The following STPG2 variants were observed in gnomAD, a reference collection of about 807,000 sequenced individuals.
STPG2 encodes sperm tail PG-rich repeat containing 2, also known as sperm-tail PG-rich repeat-containing protein 2.
Under a neutral mutation model 54.2 loss-of-function variants are expected in STPG2, and 56 were observed. The observed-to-expected ratio is 1.03, with a 90% CI of 0.83 to 1.29. The LOEUF (loss-of-function observed/expected upper bound fraction) is 1.29, where lower values mean the gene tolerates loss of function less well. STPG2 is among the 50% of genes most tolerant of loss of function. STPG2 has a pLI of 0.00. For missense variants in STPG2, 596 were observed against 544.9 expected, an observed-to-expected ratio of 1.09 and a Z score of -0.93; for synonymous variants, 200 against 181.8, an observed-to-expected ratio of 1.10 and a Z score of -0.81.
At chr4:97,469,026 G>A (rs1037766361) in intron 4 of STPG2, among the ~76,000 whole-genome samples, 4 of 152,004 alleles carry the variant, frequency 2.6e-5, no homozygotes, top group African/African-American at 9.7e-5. Flanking sequence ...ATTATAGTAT[G>A]TTGGTCTATA....
intron 9 of STPG2, among the ~76,000 whole-genome samples, chr4:97,822,546 G>T (rs977825136): frequency 6.6e-6 from 1 of 152,184 alleles, no homozygotes. Context: ...TTGCTATAAA[G>T]AAATACTTAA....
At chr4:98,105,916 T>C (rs770011900) in intron 5 of STPG2, 37 bp downstream of exon 5, 22 of 1,501,604 alleles carry the variant, frequency 1.5e-5, no homozygotes, top group African/African-American at 1.1e-4. Flanking sequence ...GATCTTAAAA[T>C]TGGGAAAATA....
chr4:98,103,095 T>C (rs917326509), intron 5 of STPG2, among the ~76,000 whole-genome samples: 2 of 137,278 alleles, frequency 1.5e-5, no homozygotes, highest in African/African-American at 5.6e-5. Context: ...TTGTCCTGCA[T>C]TCCTCTCCAT....
chr4:97,619,525 T>TG (rs1733955371), intron 10 of STPG2, among the ~76,000 whole-genome samples: 1 of 22,860 alleles, frequency 4.4e-5, no homozygotes, highest in Admixed American at 4.9e-4. Flanking sequence ...GATTCCAGTG[T>TG]TTTTTTTTTT....
chr4:97,524,302 C>G (rs145976082), intron 4 of STPG2, among the ~76,000 whole-genome samples: 3,121 of 152,068 alleles, frequency 0.021, 54 homozygotes, highest in Middle Eastern at 0.051. Context: ...CTTATCACTA[C>G]AGTTATGCCA....
intron 8 of STPG2, among the ~76,000 whole-genome samples, chr4:97,891,801 A>G (rs1243001889): frequency 6.6e-6 from 1 of 152,198 alleles, no homozygotes; most frequent in Non-Finnish European, 1.5e-5. Context: ...GGAAGAATAA[A>G]TTTAACTATA....
In STPG2 at chr4:97,840,808, G is replaced by C. The variant is rs770249629; in HGVS notation, c.1169C>G (p.Thr390Ser). 22 of 1,611,702 alleles carry C rather than the reference G, an allele frequency of 1.4e-5. No homozygotes were observed. The highest frequency in any genetic ancestry group is 1.8e-5 in the Non-Finnish European group (21 of 1,178,430). Residue 390 changes from threonine to serine, a missense_variant, in exon 9 of 11, where the codon ACT (threonine) becomes AGT (serine). Transcript: ENST00000295268. ...KRKHASFLSA[T>S]PRCLEKVTDG... is the part of the protein sequence containing the mutation. ...AGTCACTTTTTCTAGGCACCGAGGA[G>C]TTGCACTAAGAAAAGAGGCATGTTT...
chr4:97,927,085 C>T (rs1047800444), intron 8 of STPG2, among the ~76,000 whole-genome samples: 1 of 152,056 alleles, frequency 6.6e-6, no homozygotes, highest in Non-Finnish European at 1.5e-5. Flanking sequence ...AAGTATTTTT[C>T]TAATTCCAAA....
chr4:97,626,137 G>A (rs1044978838), intron 10 of STPG2, among the ~76,000 whole-genome samples: 1 of 152,052 alleles, frequency 6.6e-6, no homozygotes, highest in Non-Finnish European at 1.5e-5. Context: ...ATTTACATGT[G>A]TCTTAATATA....
At chr4:97,532,437 C>CA (rs1477674472) in intron 4 of STPG2, among the ~76,000 whole-genome samples, 6 of 151,286 alleles carry the variant, frequency 4.0e-5, no homozygotes, top group Admixed American at 2.0e-4. Context: ...TGTATATTTT[C>CA]AAAAAAAATC....
rs564771055 is a variant in STPG2, at chr4:97,927,133, A to G, written c.1044+16764T>C. On this transcript the variant is annotated intron_variant, in intron 8 of 10. Coordinates refer to ENST00000295268, the MANE Select transcript of STPG2 (RefSeq NM_174952.3). Reference sequence around the variant, plus strand: ...AAACTTTAACCTAGCTCGAGATGATACACAAAATATTTAACAACTCAAATT... The same window carrying G: ...AAACTTTAACCTAGCTCGAGATGATGCACAAAATATTTAACAACTCAAATT... Among the ~76,000 whole-genome samples, 4 of 152,280 alleles carry G rather than the reference A, an allele frequency of 2.6e-5. No individual in the cohort carries two copies. In the South Asian group the frequency reaches 8.3e-4, roughly 32 times the overall value.
At position 98,105,461 on chromosome 4, in the gene STPG2, T is replaced by C. The variant is rs188707111; in HGVS notation, c.612+492A>G. Among the ~76,000 whole-genome samples, 393 of 152,102 alleles carry C rather than the reference T, an allele frequency of 2.6e-3. 3 individuals carry two copies. Among genetic ancestry groups the C allele is most frequent in the African/African-American group, 8.7e-3 (362 of 41,512 alleles). The stretch of plus-strand genomic sequence containing the variant: ...CTCCCAAGTTCAGAGCTCCAAGAAT[T>C]TGTGTTTTGAGCTCTCTGAGTTTCT... On this transcript the variant is annotated intron_variant, in intron 5 of 10. Coordinates refer to ENST00000295268, the MANE Select transcript of STPG2 (RefSeq NM_174952.3).
intron 8 of STPG2, among the ~76,000 whole-genome samples, chr4:97,873,461 A>ACTAATAACAT (rs763038861): frequency 7.9e-5 from 12 of 151,520 alleles, no homozygotes; most frequent in Non-Finnish European, 7.4e-5. Flanking sequence ...TTAGATTATT[A>ACTAATAACAT]CTAATAACAT....
intron 9 of STPG2, among the ~76,000 whole-genome samples, chr4:97,814,517 C>T (rs893666794): frequency 6.6e-6 from 1 of 151,940 alleles, no homozygotes; most frequent in Admixed American, 6.6e-5. Context: ...TTATTATGGG[C>T]TGTGGACAAT....
At chr4:97,991,886 T>G (rs910119388) in intron 5 of STPG2, among the ~76,000 whole-genome samples, 1 of 152,224 alleles carries the variant, frequency 6.6e-6, no homozygotes, top group African/African-American at 2.4e-5. Context: ...ATATGTTTGT[T>G]GGCCCTTTGT....
chr4:97,735,021 T>C (rs6858639), intron 9 of STPG2, among the ~76,000 whole-genome samples: 126,671 of 150,908 alleles, frequency 0.84, 53,325 homozygotes, highest in Middle Eastern at 0.95. Context: ...GGCAGTGAGT[T>C]GAGATGGCGT....
intron 1 of STPG2, among the ~76,000 whole-genome samples, chr4:98,135,541 AAGAAG>A (rs1293292901): frequency 6.6e-6 from 1 of 151,844 alleles, no homozygotes; most frequent in Non-Finnish European, 1.5e-5. Context: ...CAAATTCAGA[AAGAAG>A]AGAAGTTCTC....
chr4:97,676,568 AGG>A (rs1560713969), intron 10 of STPG2, among the ~76,000 whole-genome samples: 2 of 126,920 alleles, frequency 1.6e-5, no homozygotes, highest in African/African-American at 2.9e-5. Flanking sequence ...GAAGGAAGGA[AGG>A]AAGGAAAGGA....
intron 5 of STPG2, among the ~76,000 whole-genome samples, chr4:98,041,984 A>AT (rs1485892744): frequency 2.6e-5 from 4 of 151,558 alleles, no homozygotes; most frequent in African/African-American, 9.7e-5. Flanking sequence ...TTCTTAGGAG[A>AT]TTTTTTATTA....
Sources: allele counts gnomAD v4.1 joint callset (sites outside exome capture counted in the v4.1 genomes callset), GRCh38; gene constraint gnomAD v4.1.1; transcripts MANE v1.5; gene names NCBI Gene and HGNC (gene_info 2026-07-23, HGNC 2026-07-21).